The following VPS13C variants were observed in gnomAD, a reference collection of about 807,000 sequenced individuals.
VPS13C encodes the protein vacuolar protein sorting 13 homolog C.
Under a neutral mutation model 456.8 loss-of-function variants are expected in VPS13C, and 358 were observed. The ratio of observed to expected loss-of-function variants is 0.78; its 90% CI spans 0.72 to 0.86. VPS13C has a LOEUF of 0.86. Among genes scored for constraint, VPS13C ranks in the 40% least tolerant of loss-of-function variants. The pLI, the probability that VPS13C is intolerant of heterozygous loss-of-function variation, is 0.00. For synonymous variants in VPS13C, 1,578 were observed against 1,486.7 expected (o/e 1.06, Z -1.41); for missense variants, 4,818 against 4,385.4 (o/e 1.10, Z -2.79).
intron 18 of VPS13C, among the ~76,000 whole-genome samples, chr15:61,988,981 A>C (rs1031418153): frequency 2.0e-5 from 3 of 152,182 alleles, no homozygotes; most frequent in Admixed American, 2.0e-4. Flanking sequence ...ATGACCTTGC[A>C]ATGAGGAAAG....
rs764807864 is a variant in VPS13C at position 61,913,416 on chromosome 15, C to G, written c.8446-1G>C. Reference sequence around the variant, plus strand: ...CACTGGTTGAAATTTTTAATTGTACCTATACCAGAGAGCACATATCGTCAT... The same window carrying G: ...CACTGGTTGAAATTTTTAATTGTACGTATACCAGAGAGCACATATCGTCAT... On this transcript the variant is annotated splice_acceptor_variant, in intron 61 of 84. Coordinates refer to ENST00000644861, the MANE Select transcript of VPS13C (RefSeq NM_020821.3). LOFTEE classifies it high-confidence loss of function. 6.2e-7 allele frequency: 1 copy of G among 1,611,540 alleles called. No individual in the cohort carries two copies. Among genetic ancestry groups the G allele is most frequent in the South Asian group, 1.1e-5 (1 of 90,990 alleles).
At chr15:61,984,132 C>G in intron 19 of VPS13C, 120 bp from the exon 20 acceptor site, 1 of 860,972 alleles carries the variant, frequency 1.2e-6, no homozygotes, top group Non-Finnish European at 1.7e-6. Flanking sequence ...TGCACATTAT[C>G]CAGAGCTGAA....
At chr15:61,859,786 A>G (rs1307105799) in intron 82 of VPS13C, among the ~76,000 whole-genome samples, 5 of 152,008 alleles carry the variant, frequency 3.3e-5, no homozygotes, top group Non-Finnish European at 5.9e-5. Context: ...TAGGGAAGGA[A>G]CAGAGATGTA....
Position 61,869,554 on chromosome 15 carries a change from C to A in VPS13C, c.10694G>T (p.Arg3565Leu). Residue 3565 changes from arginine (R) to leucine (L), a missense_variant, in exon 80 of 85, where the codon CGT (arginine) becomes CTT (leucine). Arg to Leu is a moderately radical substitution (Grantham distance 102). Around this residue, in one of 3 missense-constraint regions of VPS13C, gnomAD observed 261 missense variants for 234.1 expected, o/e 1.11. Transcript: ENST00000644861. ...IGKGLVGAVARPTGGIVDMAS... is the reference protein window; with the variant it reads ...IGKGLVGAVALPTGGIVDMAS... Reference sequence around the variant, plus strand: ...CATATCTACGATTCCACCAGTTGGACGGGCCACAGCACCCACAAGCCCTTT... The same window carrying A: ...CATATCTACGATTCCACCAGTTGGAAGGGCCACAGCACCCACAAGCCCTTT... The A allele has an allele frequency of 6.2e-7, 1 of 1,614,096 alleles. No individual in the cohort carries two copies. Among genetic ancestry groups the A allele is most frequent in the Non-Finnish European group, 8.5e-7 (1 of 1,180,016 alleles).
At chr15:62,060,215 G>C in intron 1 of VPS13C, 60 bp downstream of exon 1, 3 of 973,542 alleles carry the variant, frequency 3.1e-6, no homozygotes, top group East Asian at 2.9e-5. Context: ...ATCCCGGACG[G>C]AGCAGCCCTC....
intron 1 of VPS13C, among the ~76,000 whole-genome samples, chr15:62,055,941 G>A (rs2048780445): frequency 6.6e-6 from 1 of 152,150 alleles, no homozygotes; most frequent in Non-Finnish European, 1.5e-5. Context: ...ATGTTTAGCA[G>A]TACTCCAGGG....
In VPS13C at chr15:61,863,383, T is replaced by C. The variant is rs1420164242; in HGVS notation, c.10952+57A>G. 5 of 1,346,428 alleles carry C rather than the reference T, an allele frequency of 3.7e-6. No homozygotes were observed. The East Asian group carries it at 7.2e-5, about 19-fold the overall frequency. The allele number at this position is 1,346,428 out of a possible 1,614,324, so 83.4% of individuals were successfully genotyped here. On this transcript the variant is annotated intron_variant, in intron 82 of 84. Coordinates refer to ENST00000644861, the MANE Select transcript of VPS13C (RefSeq NM_020821.3). ...TCTTCTGCCATTTTAGCCTTCAAAA[T>C]TCTTGTGACCTATGCAACTAAGTAC...
intron 66 of VPS13C, among the ~76,000 whole-genome samples, chr15:61,890,839 G>C (rs2042628686): frequency 6.6e-6 from 1 of 152,174 alleles, no homozygotes; most frequent in African/African-American, 2.4e-5. Flanking sequence ...CTGAGGTCAG[G>C]AGTTCGAGAC....
chr15:62,034,911 AT>A, intron 4 of VPS13C, 45 bp downstream of exon 4: 1 of 1,282,898 alleles, frequency 7.8e-7, no homozygotes, highest in Non-Finnish European at 1.1e-6. Context: ...TAACAATTTA[AT>A]TTCAATGTGA....
At chr15:61,860,994 C>T (rs1445361096) in intron 82 of VPS13C, among the ~76,000 whole-genome samples, 1 of 113,842 alleles carries the variant, frequency 8.8e-6, no homozygotes, top group Admixed American at 1.2e-4. Flanking sequence ...GACAGTCTTG[C>T]TCTGTTGCCC....
intron 9 of VPS13C, among the ~76,000 whole-genome samples, chr15:62,017,526 C>A (rs1378264525): frequency 6.6e-6 from 1 of 152,140 alleles, no homozygotes; most frequent in Admixed American, 6.5e-5. Flanking sequence ...TTCCCAGCAC[C>A]ATTTGTTAAA....
At chr15:62,032,592 T>C (rs1218267374) in intron 5 of VPS13C, among the ~76,000 whole-genome samples, 1 of 151,824 alleles carries the variant, frequency 6.6e-6, no homozygotes, top group Non-Finnish European at 1.5e-5. Flanking sequence ...TTCTAATTGA[T>C]TCAATTAAAT....
intron 77 of VPS13C, among the ~76,000 whole-genome samples, chr15:61,874,000 TA>T (rs940540738): frequency 4.8e-4 from 72 of 150,200 alleles, no homozygotes; most frequent in African/African-American, 1.6e-3. Context: ...ACTCAGGCAT[TA>T]AAAAAAATGA....
chr15:61,936,564 T>G (rs777661510), intron 48 of VPS13C, 33 bp downstream of exon 48: 1 of 1,498,338 alleles, frequency 6.7e-7, no homozygotes, highest in Admixed American at 2.3e-5. Context: ...ACACCAATTT[T>G]TTCTCCATAA....
At chr15:61,978,527 TG>T in intron 23 of VPS13C, 98 bp downstream of exon 23, 1 of 1,380,962 alleles carries the variant, frequency 7.2e-7, no homozygotes, top group African/African-American at 1.5e-5. Flanking sequence ...GTGTGCAAAA[TG>T]GTTGTCAGGG....
At chr15:61,907,442 C>A (rs184543145) in intron 65 of VPS13C, 52 bp from the exon 66 acceptor site, 370 of 1,591,620 alleles carry the variant, frequency 2.3e-4, no homozygotes, top group Admixed American at 6.3e-4. Flanking sequence ...GATAAGAAAC[C>A]CAAACCTGTA....
At chr15:61,921,174 T>C (rs1184935568) in intron 55 of VPS13C, among the ~76,000 whole-genome samples, 3 of 152,196 alleles carry the variant, frequency 2.0e-5, no homozygotes, top group Admixed American at 1.3e-4. Flanking sequence ...AGCCTCCCTA[T>C]GCCAGAGAAA....
At chr15:61,924,393 T>C (rs1160645025) in intron 53 of VPS13C, among the ~76,000 whole-genome samples, 1 of 152,232 alleles carries the variant, frequency 6.6e-6, no homozygotes, top group East Asian at 1.9e-4. Flanking sequence ...CTGAAAGCTG[T>C]AATCACTGAT....
intron 18 of VPS13C, among the ~76,000 whole-genome samples, chr15:61,988,029 T>C (rs557796112): frequency 3.3e-5 from 5 of 152,246 alleles, no homozygotes; most frequent in African/African-American, 1.2e-4. Context: ...ATTCATACAA[T>C]GAAATACTAT....
Sources: gnomAD v4.1 joint callset for allele counts (sites outside exome capture counted in the v4.1 genomes callset) on GRCh38, gnomAD v4.1.1 for gene constraint, gnomAD v4.1.1 regional missense constraint, MANE v1.5 for transcripts, NCBI Gene and HGNC (gene_info 2026-07-23, HGNC 2026-07-21) for gene names.